The following ACSL1 variants were observed in gnomAD, a reference collection of about 807,000 sequenced individuals.
ACSL1 encodes the protein acyl-CoA synthetase long chain family member 1.
A neutral mutation model predicts 98.4 loss-of-function variants in ACSL1; 41 were observed. The observed-to-expected ratio is 0.42, with a 90% CI of 0.32 to 0.54. The LOEUF is 0.54. ACSL1 is among the 20% of genes least tolerant of loss of function. The pLI is 0.13. For missense variants in ACSL1, 734 were observed against 883.1 expected, an observed-to-expected ratio of 0.83 and a Z score of 2.14; for synonymous variants, 316 against 322.7, an observed-to-expected ratio of 0.98 and a Z score of 0.22.
In ACSL1 at chr4:184,772,880, A is replaced by G. The variant is rs529813966; in HGVS notation, c.915+201T>C. On this transcript the variant is annotated intron_variant, in intron 10 of 20. Coordinates refer to ENST00000281455, the MANE Select transcript of ACSL1 (RefSeq NM_001995.5). ...CATCTGTCAATTCACCTTAATTATC[A>G]TAAGGCAAGGGTTGGCGATTAGGTT... is the stretch of plus-strand genomic sequence containing the variant. 7.2e-5 allele frequency among the ~76,000 whole-genome samples: 11 copies of G among 152,330 alleles called. No individual in the cohort carries two copies. The South Asian group carries it at 1.4e-3, about 20-fold the overall frequency.
At chr4:184,826,036 C>T (rs1402942215), upstream of ACSL1, 1 of 147,930 alleles carries the variant, frequency 6.8e-6, no homozygotes. Context: ...GCTGGTTGCG[C>T]CCCCGCCACC....
chr4:184,812,130 G>T (rs1023106218), intron 1 of ACSL1: 7 of 934,030 alleles, frequency 7.5e-6, no homozygotes, highest in Non-Finnish European at 8.9e-6. Flanking sequence ...ACCCCTGTGT[G>T]GTACTTAGCA....
At chr4:184,816,861 T>C (rs763467353) in intron 1 of ACSL1, among the ~76,000 whole-genome samples, 8 of 152,138 alleles carry the variant, frequency 5.3e-5, no homozygotes, top group Non-Finnish European at 5.9e-5. Context: ...TCTTGCCAAC[T>C]GCCCAAAGGT....
intron 5 of ACSL1, among the ~76,000 whole-genome samples, chr4:184,778,743 A>G (rs1343939468): frequency 6.6e-6 from 1 of 152,192 alleles, no homozygotes; most frequent in Non-Finnish European, 1.5e-5. Flanking sequence ...GAATGAACTC[A>G]TAAATACAGG....
chr4:184,794,653 A>C (rs1309593077), intron 2 of ACSL1, among the ~76,000 whole-genome samples: 6 of 152,336 alleles, frequency 3.9e-5, no homozygotes, highest in Non-Finnish European at 8.8e-5. Flanking sequence ...CATGTCCACC[A>C]CATAGTGGAG....
chr4:184,767,160 C>A (rs144685867), intron 12 of ACSL1, among the ~76,000 whole-genome samples: 1 of 151,648 alleles, frequency 6.6e-6, no homozygotes, highest in Non-Finnish European at 1.5e-5. Context: ...CACATGCCTG[C>A]GGTCCCAGCT....
Position 184,784,027 on chromosome 4 carries a change from G to A in ACSL1, c.311-36C>T, listed in dbSNP as rs139658709. The stretch of plus-strand genomic sequence containing the variant: ...AGAAAAAACAACAGATGGGCTGAAC[G>A]TACATAAATATTCCTAGATTTTAAT... On this transcript the variant is annotated intron_variant, in intron 3 of 20. Transcript: ENST00000281455. 469 of 1,530,600 alleles carry A rather than the reference G, an allele frequency of 3.1e-4. 1 individual carries two copies. In the African/African-American group the frequency reaches 5.9e-3, roughly 19 times the overall value. 94.8% of individuals were successfully genotyped at this position (1,530,600 alleles called of 1,614,324 possible). A position where few individuals can be genotyped will look rare whatever the true frequency, so the allele number is the denominator to read the frequency against.
At chr4:184,778,607 G>C (rs558907864) in intron 5 of ACSL1, among the ~76,000 whole-genome samples, 182 of 152,304 alleles carry the variant, frequency 1.2e-3, no homozygotes, top group African/African-American at 4.3e-3. Context: ...CCACTTGACA[G>C]AGAAAGCACC....
At position 184,816,711 on chromosome 4, in the gene ACSL1, A is replaced by G. The variant is rs1445291153; in HGVS notation, c.-33+9205T>C. On this transcript the variant is annotated intron_variant, in intron 1 of 20. Transcript: ENST00000281455. ...AACGTTTTGCTGTTTCATTATACCC[A>G]CTTCTTAAAAAATTACTTTAAGTTA... Among the ~76,000 whole-genome samples, 5 of 152,186 alleles carry G rather than the reference A, an allele frequency of 3.3e-5. No individual in the cohort carries two copies. In the East Asian group the frequency reaches 9.6e-4, roughly 29 times the overall value.
chr4:184,792,542 C>G (rs749820116), intron 2 of ACSL1, among the ~76,000 whole-genome samples: 14 of 152,164 alleles, frequency 9.2e-5, no homozygotes, highest in Non-Finnish European at 2.1e-4. Flanking sequence ...TGAGCTCAAG[C>G]AATCCTCGCA....
chr4:184,802,985 C>T (rs941171186), intron 2 of ACSL1, among the ~76,000 whole-genome samples: 1 of 152,090 alleles, frequency 6.6e-6, no homozygotes, highest in African/African-American at 2.4e-5. Flanking sequence ...GAATCTAATC[C>T]CTGTGAGAAC....
chr4:184,776,254 T>C (rs1046289604), intron 7 of ACSL1, among the ~76,000 whole-genome samples: 2 of 152,338 alleles, frequency 1.3e-5, no homozygotes, highest in South Asian at 2.1e-4. Context: ...GGAATAAATA[T>C]TGGAGTGCTG....
intron 1 of ACSL1, chr4:184,805,596 G>A (rs943675203): frequency 1.1e-6 from 1 of 870,042 alleles, no homozygotes; most frequent in Admixed American, 6.2e-5. Flanking sequence ...CAATGAGCCT[G>A]GAAGTGGGCG....
chr4:184,793,926 C>T (rs898892612), intron 2 of ACSL1, among the ~76,000 whole-genome samples: 3 of 152,196 alleles, frequency 2.0e-5, no homozygotes, highest in African/African-American at 7.2e-5. Context: ...ATAGTATTTG[C>T]ATATAACCTA....
chr4:184,784,075 T>C (rs945011580), intron 3 of ACSL1, 84 bp from the exon 4 acceptor site: 42 of 1,093,730 alleles, frequency 3.8e-5, no homozygotes, highest in Non-Finnish European at 5.8e-5. Context: ...CGCACTCTAA[T>C]ACTAAACATC....
At chr4:184,804,905 G>T (rs1211063778) in intron 1 of ACSL1, among the ~76,000 whole-genome samples, 2 of 152,142 alleles carry the variant, frequency 1.3e-5, no homozygotes, top group Non-Finnish European at 2.9e-5. Context: ...TGCCTACAAG[G>T]AGTGTTCAGA....
At chr4:184,790,873 G>A (rs1157080406) in intron 2 of ACSL1, among the ~76,000 whole-genome samples, 1 of 152,150 alleles carries the variant, frequency 6.6e-6, no homozygotes, top group Non-Finnish European at 1.5e-5. Context: ...AAGCAATTTT[G>A]TGGCTTTGTA....
At chr4:184,812,163 G>A (rs929010145) in intron 1 of ACSL1, 43 of 983,808 alleles carry the variant, frequency 4.4e-5, no homozygotes, top group South Asian at 1.9e-4. Flanking sequence ...CACTTACAGC[G>A]AATGGTACTT....
At position 184,822,164 on chromosome 4, in the gene ACSL1, CT is replaced by C. The variant is rs963681835; in HGVS notation, c.-33+3751del. 2.8e-4 allele frequency among the ~76,000 whole-genome samples: 42 copies of C among 150,358 alleles called. 1 individual carries two copies. Among genetic ancestry groups the C allele is most frequent in the Admixed American group, 2.5e-3 (38 of 15,082 alleles). Reference sequence around the variant, plus strand: ...TTGAGATTTTATTTTATTGTTTTTACTTTTTTTTTTCTAGAGATGGGGTCTT... The same window carrying C: ...TTGAGATTTTATTTTATTGTTTTTACTTTTTTTTTCTAGAGATGGGGTCTT... On this transcript the variant is annotated intron_variant, in intron 1 of 20. Transcript: ENST00000281455.
Sources: allele counts gnomAD v4.1 joint callset (sites outside exome capture counted in the v4.1 genomes callset), GRCh38; gene constraint gnomAD v4.1.1; transcripts MANE v1.5; gene names NCBI Gene and HGNC (gene_info 2026-07-23, HGNC 2026-07-21).